The following MAP3K2 variants were observed in gnomAD, a reference collection of about 807,000 sequenced individuals.
MAP3K2 encodes mitogen-activated protein kinase kinase kinase 2.
A neutral mutation model predicts 80.3 loss-of-function variants in MAP3K2; 24 were observed. The observed-to-expected ratio is 0.30, with a 90% CI of 0.22 to 0.42. The LOEUF is 0.42. Ranked by LOEUF, MAP3K2 falls within the 10% of genes least tolerant of loss-of-function variation. MAP3K2 has a pLI of 1.00. For synonymous variants in MAP3K2, 244 were observed against 253.7 expected, an observed-to-expected ratio of 0.96 and a Z score of 0.36; for missense variants, 608 against 750.1, an observed-to-expected ratio of 0.81 and a Z score of 2.21.
chr2:127,315,392 T>C (rs1365356294), intron 14 of MAP3K2, among the ~76,000 whole-genome samples: 1 of 152,268 alleles, frequency 6.6e-6, no homozygotes, highest in African/African-American at 2.4e-5. Context: ...CAAATGTTTC[T>C]GCTTTTCCTT....
At position 127,339,132 on chromosome 2, in the gene MAP3K2, TTAAAA is replaced by T; in HGVS notation, c.5-87_5-83del. 1 of 820,054 alleles carries T rather than the reference TTAAAA, an allele frequency of 1.2e-6. No homozygotes were observed. Among genetic ancestry groups the T allele is most frequent in the Admixed American group, 2.9e-5 (1 of 34,448 alleles). 50.8% of individuals were successfully genotyped at this position (820,054 alleles called of 1,614,324 possible). A position where few individuals can be genotyped will look rare whatever the true frequency, so the allele number is the denominator to read the frequency against. On this transcript the variant is annotated intron_variant, in intron 2 of 16. Transcript: ENST00000682094. The surrounding 1 kb of genome is among the most constrained non-coding windows in gnomAD (Gnocchi z 4.2). ...CATGTATAGACATCAAACACAAAAT[TTAAAA>T]TAAAATTTGATGTAGAGAATGTATT...
rs189505142 is a variant in MAP3K2 at position 127,314,223 on chromosome 2, T to C, written c.1456+531A>G. On this transcript the variant is annotated intron_variant, in intron 15 of 16. Transcript: ENST00000682094. ...GGTTCATCAAAGCTCAGTTTGGGGC[T>C]CTTTTCTTCGCTTCTCTTCATTCTT... 1.6e-3 allele frequency among the ~76,000 whole-genome samples: 247 copies of C among 152,262 alleles called. 2 individuals carry two copies. Among genetic ancestry groups the C allele is most frequent in the African/African-American group, 5.7e-3 (235 of 41,554 alleles).
Position 127,317,656 on chromosome 2 carries a change from A to G in MAP3K2, c.1299T>C (p.Leu433=), listed in dbSNP as rs372867217. 4.0e-5 allele frequency: 63 copies of G among 1,582,496 alleles called. No individual in the cohort carries two copies. Among genetic ancestry groups the G allele is most frequent in the Non-Finnish European group, 5.3e-5 (62 of 1,162,734 alleles). The change falls in exon 14 of 17, where the codon CTT becomes CTC. Residue 433 remains leucine, a synonymous_variant. Transcript: ENST00000682094. ...CTGGCATATATTCCATAAATATGGAAAGTGTTTTTTCCTGGGGATCCCTCA... is the reference window on the plus strand; with the variant it reads ...CTGGCATATATTCCATAAATATGGAGAGTGTTTTTTCCTGGGGATCCCTCA... ...GCLRDPQEKT[L]SIFMEYMPGG...
chr2:127,350,469 AAAG>A (rs1471549978), intron 1 of MAP3K2, among the ~76,000 whole-genome samples: 2 of 149,058 alleles, frequency 1.3e-5, no homozygotes, highest in Admixed American at 6.6e-5. Context: ...AAAAAAAAAA[AAAG>A]AAAGAAGAAA....
At chr2:127,350,389 C>T (rs1294906709) in intron 1 of MAP3K2, among the ~76,000 whole-genome samples, 2 of 150,428 alleles carry the variant, frequency 1.3e-5, no homozygotes, top group Non-Finnish European at 2.9e-5. Context: ...ATCACTTCAG[C>T]CCAGGGGTTT....
intron 15 of MAP3K2, 91 bp downstream of exon 15, chr2:127,314,663 A>G: frequency 9.9e-7 from 1 of 1,005,854 alleles, no homozygotes; most frequent in Non-Finnish European, 1.5e-6. Flanking sequence ...GAGACAGATG[A>G]ATTAATGTTA....
upstream of MAP3K2, chr2:127,388,226 C>G: frequency 2.3e-6 from 2 of 863,270 alleles, no homozygotes; most frequent in Non-Finnish European, 2.7e-6. Context: ...TGTGCTGTTC[C>G]GTGTGCGCGG....
At chr2:127,309,970 A>G (rs1025058372) in intron 15 of MAP3K2, among the ~76,000 whole-genome samples, 1 of 152,178 alleles carries the variant, frequency 6.6e-6, no homozygotes, top group Non-Finnish European at 1.5e-5. Flanking sequence ...AGGAGTAAAG[A>G]GTTATGCTCC....
At chr2:127,386,411 TAA>T (rs1482077297) in intron 1 of MAP3K2, among the ~76,000 whole-genome samples, 1 of 152,156 alleles carries the variant, frequency 6.6e-6, no homozygotes, top group East Asian at 1.9e-4. Flanking sequence ...GACATCGAAC[TAA>T]AAAAGATTGC....
rs542162788 is a variant in MAP3K2, at chr2:127,350,240, CA to C, written c.-65-7047del. On this transcript the variant is annotated intron_variant, in intron 1 of 16. Transcript: ENST00000682094. ...CACAGGCACAACTTGAAGGGGATTC[CA>C]CTTATCAAATATGGGACAATTTGAG... Among the ~76,000 whole-genome samples, 61 of 151,882 alleles carry C rather than the reference CA, an allele frequency of 4.0e-4. 1 individual carries two copies. The highest frequency in any genetic ancestry group is 3.9e-3 in the Admixed American group (60 of 15,274).
chr2:127,375,929 T>C (rs1324385964), intron 1 of MAP3K2, among the ~76,000 whole-genome samples: 1 of 152,114 alleles, frequency 6.6e-6, no homozygotes, highest in Non-Finnish European at 1.5e-5. Context: ...ATGTTGATTA[T>C]ACTCAAGTTT....
intron 1 of MAP3K2, among the ~76,000 whole-genome samples, chr2:127,355,464 G>A (rs1373562259): frequency 6.6e-6 from 1 of 152,110 alleles, no homozygotes; most frequent in Non-Finnish European, 1.5e-5. Flanking sequence ...TAAAAGTTAT[G>A]TTTACAATGT....
intron 1 of MAP3K2, among the ~76,000 whole-genome samples, chr2:127,350,793 C>CA (rs370022656): frequency 1.6e-4 from 22 of 140,116 alleles, no homozygotes; most frequent in South Asian, 1.1e-3. Context: ...AGCCAGCAGA[C>CA]AAAAAAAAAA....
intron 1 of MAP3K2, among the ~76,000 whole-genome samples, chr2:127,370,936 A>C (rs1340726914): frequency 6.6e-6 from 1 of 152,188 alleles, no homozygotes; most frequent in Non-Finnish European, 1.5e-5. Flanking sequence ...AACTAGAAGA[A>C]AAGACAAGGG....
intron 1 of MAP3K2, among the ~76,000 whole-genome samples, chr2:127,353,177 G>C (rs1484965105): frequency 6.6e-6 from 1 of 151,746 alleles, no homozygotes; most frequent in East Asian, 1.9e-4. Flanking sequence ...GGGATGTGAG[G>C]AGCCCCTCTG....
At chr2:127,374,190 ATTG>A (rs1329122000) in intron 1 of MAP3K2, among the ~76,000 whole-genome samples, 7 of 152,128 alleles carry the variant, frequency 4.6e-5, no homozygotes, top group African/African-American at 1.7e-4. Flanking sequence ...GCTCATCGAT[ATTG>A]TTAGTGACTC....
chr2:127,325,913 C>T, intron 8 of MAP3K2, 106 bp from the exon 9 acceptor site: 1 of 743,264 alleles, frequency 1.3e-6, no homozygotes, highest in Admixed American at 2.3e-5. Context: ...ATAAAATTCA[C>T]CCATTTAAAG....
intron 5 of MAP3K2, among the ~76,000 whole-genome samples, chr2:127,334,934 C>T (rs1686336143): frequency 6.6e-6 from 1 of 152,108 alleles, no homozygotes; most frequent in African/African-American, 2.4e-5. Context: ...CCACGCTCAG[C>T]TAATTTTTGT....
chr2:127,344,244 C>T (rs1460697915), intron 1 of MAP3K2, among the ~76,000 whole-genome samples: 2 of 152,112 alleles, frequency 1.3e-5, no homozygotes, highest in Non-Finnish European at 2.9e-5. Context: ...AGAAAAGAGA[C>T]CCTACCAGCC....
Sources: allele counts gnomAD v4.1 joint callset (sites outside exome capture counted in the v4.1 genomes callset), GRCh38; gene constraint gnomAD v4.1.1; non-coding constraint Gnocchi (gnomAD v3.1); transcripts MANE v1.5; gene names NCBI Gene and HGNC (gene_info 2026-07-23, HGNC 2026-07-21).